SERGEF: variants seen among roughly 807,000 people sequenced by gnomAD.
SERGEF encodes the protein secretion-regulating guanine nucleotide exchange factor.
In SERGEF, 51 loss-of-function variants were observed where a neutral mutation model predicts 50.0. The observed-to-expected ratio is 1.02, with a 90% confidence interval of 0.81 to 1.29. The LOEUF is 1.29. SERGEF is among the 50% of genes most tolerant of loss of function. The pLI is 0.00. For synonymous variants in SERGEF, 205 were observed against 212.4 expected (o/e 0.97, Z 0.30); for missense variants, 521 against 557.0 (o/e 0.94, Z 0.65).
At chr11:17,922,672 G>A (rs893815410) in intron 9 of SERGEF, among the ~76,000 whole-genome samples, 3 of 152,106 alleles carry the variant, frequency 2.0e-5, no homozygotes, top group African/African-American at 7.2e-5. Flanking sequence ...AGAAGCTCTG[G>A]AATCATACCT....
At chr11:17,967,118 G>A (rs948357932) in intron 8 of SERGEF, among the ~76,000 whole-genome samples, 3 of 152,234 alleles carry the variant, frequency 2.0e-5, no homozygotes, top group Non-Finnish European at 4.4e-5. Flanking sequence ...AATACCCTGA[G>A]TAGGCATTAT....
At chr11:17,988,852 T>C in intron 7 of SERGEF, 97 bp from the exon 8 acceptor site, 1 of 1,263,220 alleles carries the variant, frequency 7.9e-7, no homozygotes, top group African/African-American at 1.5e-5. Flanking sequence ...TTAAAAGAAG[T>C]TGTTTTATAC....
chr11:17,959,713 A>G (rs1373181826), intron 8 of SERGEF, 77 bp from the exon 9 acceptor site: 3 of 1,302,482 alleles, frequency 2.3e-6, no homozygotes, highest in Non-Finnish European at 3.2e-6. Flanking sequence ...ATTACAAGAG[A>G]AAGTGTGACA....
At chr11:17,826,302 G>T (rs745691158) in intron 10 of SERGEF, among the ~76,000 whole-genome samples, 2 of 152,208 alleles carry the variant, frequency 1.3e-5, no homozygotes, top group African/African-American at 4.8e-5. Flanking sequence ...CTCTTTGCCA[G>T]ATCCACTCCA....
At chr11:17,959,341 G>A (rs1590218881) in intron 9 of SERGEF, 129 bp downstream of exon 9, 2 of 797,084 alleles carry the variant, frequency 2.5e-6, no homozygotes, top group East Asian at 5.4e-5. Context: ...GCTCCTTAGG[G>A]CAAGGACCTC....
At chr11:17,945,043 C>T (rs1354643320) in intron 9 of SERGEF, among the ~76,000 whole-genome samples, 2 of 152,186 alleles carry the variant, frequency 1.3e-5, no homozygotes, top group Non-Finnish European at 2.9e-5. Context: ...GTTTCCAGTC[C>T]TAATTCTACT....
At chr11:17,843,230 T>C (rs932135379) in intron 10 of SERGEF, among the ~76,000 whole-genome samples, 4 of 152,146 alleles carry the variant, frequency 2.6e-5, no homozygotes, top group Non-Finnish European at 5.9e-5. Context: ...GACAATGAAC[T>C]ATATTGTCAT....
chr11:17,990,299 T>G (rs770991291), intron 7 of SERGEF, among the ~76,000 whole-genome samples: 1 of 152,180 alleles, frequency 6.6e-6, no homozygotes, highest in African/African-American at 2.4e-5. Context: ...AACTCCAAAA[T>G]GAGGGAGTAT....
intron 1 of SERGEF, among the ~76,000 whole-genome samples, chr11:18,010,996 A>G (rs1854183068): frequency 6.6e-6 from 1 of 152,152 alleles, no homozygotes; most frequent in South Asian, 2.1e-4. Flanking sequence ...AAATTACGGT[A>G]CCAATTTTTG....
At position 17,788,406 on chromosome 11, in the gene SERGEF, C is replaced by T; in HGVS notation, c.1056G>A (p.Val352=). The T allele has an allele frequency of 6.2e-7, 1 of 1,603,000 alleles. No individual in the cohort carries two copies. The part of the protein sequence containing the change: ...SEHNLAIIGG[V]CYSWGWNEHG... Reference sequence around the variant, plus strand: ...GCTCATTCCAGCCCCAAGAGTAACACACTCCACCTGTGAAGGAGAGGGAAG... The same window carrying T: ...GCTCATTCCAGCCCCAAGAGTAACATACTCCACCTGTGAAGGAGAGGGAAG... Residue 352 remains valine (V), a synonymous_variant, in exon 11 of 11, where the codon GTG becomes GTA. Transcript: ENST00000265965.
intron 9 of SERGEF, among the ~76,000 whole-genome samples, chr11:17,951,692 G>C (rs1398412226): frequency 1.3e-5 from 2 of 152,176 alleles, no homozygotes; most frequent in African/African-American, 2.4e-5. Flanking sequence ...AGAAGCTGTT[G>C]GTGTTCAGGG....
At chr11:17,834,943 C>T (rs1335342421) in intron 10 of SERGEF, among the ~76,000 whole-genome samples, 1 of 152,182 alleles carries the variant, frequency 6.6e-6, no homozygotes, top group East Asian at 1.9e-4. Context: ...TGTGTGTCTC[C>T]TACCCACTTA....
intron 5 of SERGEF, among the ~76,000 whole-genome samples, chr11:17,998,507 G>GTT (rs1465756865): frequency 3.1e-5 from 3 of 95,366 alleles, no homozygotes; most frequent in Non-Finnish European, 6.0e-5. Flanking sequence ...GAGTGTGTGT[G>GTT]TTATATATAT....
chr11:17,973,345 C>T (rs1853292966), intron 8 of SERGEF, among the ~76,000 whole-genome samples: 1 of 152,236 alleles, frequency 6.6e-6, no homozygotes, highest in Admixed American at 6.5e-5. Flanking sequence ...CATGTATCCA[C>T]TGCCACTGTT....
chr11:17,885,381 G>A (rs1360626996), intron 9 of SERGEF, among the ~76,000 whole-genome samples: 1 of 152,136 alleles, frequency 6.6e-6, no homozygotes, highest in East Asian at 1.9e-4. Flanking sequence ...GAGTGCAGTG[G>A]TGTGAACCTA....
At chr11:17,827,522 A>T (rs918275429) in intron 10 of SERGEF, among the ~76,000 whole-genome samples, 1 of 152,218 alleles carries the variant, frequency 6.6e-6, no homozygotes, top group Non-Finnish European at 1.5e-5. Flanking sequence ...TTCAAATCCT[A>T]GCCTATTGTT....
chr11:17,880,966 C>T (rs1851323782), intron 9 of SERGEF, among the ~76,000 whole-genome samples: 1 of 152,178 alleles, frequency 6.6e-6, no homozygotes, highest in African/African-American at 2.4e-5. Flanking sequence ...TGCCAGGTGT[C>T]ATGCCAAGGT....
intron 10 of SERGEF, among the ~76,000 whole-genome samples, chr11:17,873,068 A>G (rs1276378281): frequency 6.6e-6 from 1 of 152,206 alleles, no homozygotes; most frequent in African/African-American, 2.4e-5. Flanking sequence ...GGAGTTTTTC[A>G]TCTTAAATAC....
rs148337114 is a variant in SERGEF at position 17,820,511 on chromosome 11, T to G, written c.1049-32098A>C. ...ATCACTGGTTCTGCTACTTCCTTTT[T>G]GAATTACCTTGGGCAAATCACTTAA... On this transcript the variant is annotated intron_variant, in intron 10 of 10. Coordinates refer to ENST00000265965, the MANE Select transcript of SERGEF (RefSeq NM_012139.4). 6.4e-3 allele frequency among the ~76,000 whole-genome samples: 974 copies of G among 152,326 alleles called. 10 individuals carry two copies. The highest frequency in any genetic ancestry group is 0.023 in the African/African-American group (937 of 41,580).
Sources: gnomAD v4.1 joint callset for allele counts (sites outside exome capture counted in the v4.1 genomes callset) on GRCh38, gnomAD v4.1.1 for gene constraint, MANE v1.5 for transcripts, NCBI Gene and HGNC (gene_info 2026-07-23, HGNC 2026-07-21) for gene names.